CACNA2D3: variants seen among roughly 807,000 people sequenced by gnomAD.
The protein encoded by CACNA2D3 is voltage-dependent calcium channel subunit alpha-2/delta-3.
In CACNA2D3, 60 loss-of-function variants were observed where a neutral mutation model predicts 160.6. The ratio of observed to expected loss-of-function variants is 0.37; its 90% CI spans 0.30 to 0.46. The LOEUF is 0.46. Ranked by LOEUF, CACNA2D3 falls within the 20% of genes least tolerant of loss-of-function variation. CACNA2D3 has a pLI of 1.00. For synonymous variants in CACNA2D3, 558 were observed against 492.9 expected, an observed-to-expected ratio of 1.13 and a Z score of -1.75; for missense variants, 1,205 against 1,365.0, an observed-to-expected ratio of 0.88 and a Z score of 1.85.
intron 13 of CACNA2D3, among the ~76,000 whole-genome samples, chr3:54,774,379 A>G (rs992062507): frequency 6.5e-4 from 99 of 152,216 alleles, no homozygotes; most frequent in African/African-American, 2.3e-3. Flanking sequence ...CATGTCCTAT[A>G]TGACTGGAGC....
At chr3:54,262,055 A>AT (rs112148944) in intron 2 of CACNA2D3, among the ~76,000 whole-genome samples, 18 of 152,058 alleles carry the variant, frequency 1.2e-4, no homozygotes, top group African/African-American at 4.3e-4. Context: ...AGGAGTTTTG[A>AT]TTTTTTGCTG....
chr3:54,791,829 T>G (rs1262248726), intron 13 of CACNA2D3, among the ~76,000 whole-genome samples: 1 of 152,184 alleles, frequency 6.6e-6, no homozygotes, highest in East Asian at 1.9e-4. Context: ...TTTTTACCCT[T>G]TACTCTGATG....
At chr3:54,552,739 T>C (rs966853521) in intron 5 of CACNA2D3, among the ~76,000 whole-genome samples, 3 of 152,174 alleles carry the variant, frequency 2.0e-5, no homozygotes, top group African/African-American at 7.2e-5. Flanking sequence ...ACAATTTTCT[T>C]CTTAATGTCT....
intron 4 of CACNA2D3, among the ~76,000 whole-genome samples, chr3:54,417,336 A>T (rs1318995090): frequency 1.3e-5 from 2 of 152,050 alleles, no homozygotes; most frequent in African/African-American, 4.8e-5. Flanking sequence ...TAAAATAATA[A>T]TTTTCTTGTT....
At chr3:54,153,987 A>C (rs1188441841) in intron 2 of CACNA2D3, among the ~76,000 whole-genome samples, 1 of 152,226 alleles carries the variant, frequency 6.6e-6, no homozygotes, top group Non-Finnish European at 1.5e-5. Flanking sequence ...AAGATGGTAG[A>C]CTATAATCAA....
intron 27 of CACNA2D3, chr3:54,927,955 T>G (rs764447650): frequency 6.2e-7 from 1 of 1,603,506 alleles, no homozygotes; most frequent in South Asian, 1.1e-5. Flanking sequence ...GTAGACCCTT[T>G]AATTAATGTG....
chr3:54,599,005 A>G (rs1230062807), intron 9 of CACNA2D3, among the ~76,000 whole-genome samples: 2 of 152,214 alleles, frequency 1.3e-5, no homozygotes, highest in South Asian at 2.1e-4. Flanking sequence ...GCAGGTGACA[A>G]CGATAGGAAG....
chr3:54,373,936 T>G lies in CACNA2D3; in HGVS notation c.322-12779T>G, dbSNP rs76529775. On this transcript the variant is annotated intron_variant, in intron 3 of 37. Transcript: ENST00000474759. ...TCCCAAACTTCCATCCCTCCCACTTTCACAGCTCTCTGCACTTTGGCCCCT... is the reference window on the plus strand; with the variant it reads ...TCCCAAACTTCCATCCCTCCCACTTGCACAGCTCTCTGCACTTTGGCCCCT... Among the ~76,000 whole-genome samples the G allele has an allele frequency of 5.8e-3, 877 of 152,324 alleles. 23 individuals carry two copies. In the East Asian group the frequency reaches 0.078, roughly 14 times the overall value.
intron 5 of CACNA2D3, among the ~76,000 whole-genome samples, chr3:54,561,996 T>A (rs920552100): frequency 6.6e-6 from 1 of 152,168 alleles, no homozygotes; most frequent in Non-Finnish European, 1.5e-5. Context: ...CTCGTGAGAC[T>A]TATTCGCTAT....
intron 11 of CACNA2D3, among the ~76,000 whole-genome samples, chr3:54,736,293 T>G (rs905227072): frequency 6.6e-5 from 10 of 151,610 alleles, no homozygotes; most frequent in African/African-American, 1.9e-4. Flanking sequence ...TGAAAGTTCA[T>G]GATTAAATGT....
chr3:54,687,115 C>CT lies in CACNA2D3; in HGVS notation c.1167+44879dup, dbSNP rs1338617031. Among the ~76,000 whole-genome samples, 15 of 40,870 alleles carry CT rather than the reference C, an allele frequency of 3.7e-4. 1 individual carries two copies. Among genetic ancestry groups the CT allele is most frequent in the Non-Finnish European group, 6.1e-4 (12 of 19,626 alleles). The allele number at this position is 40,870 out of a possible 152,430, so 26.8% of individuals were successfully genotyped here. A position where few individuals can be genotyped will look rare whatever the true frequency, so the allele number is the denominator to read the frequency against. On this transcript the variant is annotated intron_variant, in intron 11 of 37. Transcript: ENST00000474759. ...TTATTCAAATCGGATTTTTCTTTTT[C>CT]TTTTTCTTTTTTTTTTTTTGTTTTT... is the stretch of plus-strand genomic sequence containing the variant.
chr3:54,371,023 T>G (rs761682068), intron 3 of CACNA2D3, among the ~76,000 whole-genome samples: 1 of 152,220 alleles, frequency 6.6e-6, no homozygotes, highest in Non-Finnish European at 1.5e-5. Flanking sequence ...CCTACCGTTT[T>G]CAAGAGTCAT....
chr3:54,409,254 A>C (rs570658929), intron 4 of CACNA2D3, among the ~76,000 whole-genome samples: 1 of 152,182 alleles, frequency 6.6e-6, no homozygotes, highest in South Asian at 2.1e-4. Context: ...CACTATTGCT[A>C]TATGTGTTAT....
At chr3:54,407,199 C>T (rs1026189339) in intron 4 of CACNA2D3, among the ~76,000 whole-genome samples, 2 of 151,736 alleles carry the variant, frequency 1.3e-5, no homozygotes, top group African/African-American at 2.4e-5. Flanking sequence ...AGCTGTGGGG[C>T]GATGGGAAAA....
At chr3:54,443,634 C>T (rs1209515386) in intron 4 of CACNA2D3, among the ~76,000 whole-genome samples, 1 of 152,152 alleles carries the variant, frequency 6.6e-6, no homozygotes, top group East Asian at 1.9e-4. Flanking sequence ...GCCGACGACC[C>T]TGGCATTTGC....
chr3:55,072,626 A>C (rs1320239225), intron 35 of CACNA2D3, among the ~76,000 whole-genome samples: 1 of 152,230 alleles, frequency 6.6e-6, no homozygotes, highest in Non-Finnish European at 1.5e-5. Context: ...CCTGGAGTTA[A>C]ATATTTAGCT....
intron 3 of CACNA2D3, among the ~76,000 whole-genome samples, chr3:54,347,748 G>T (rs2107530390): frequency 6.6e-6 from 1 of 152,014 alleles, no homozygotes; most frequent in African/African-American, 2.4e-5. Flanking sequence ...CTGGTAAGAT[G>T]ATTCCAGGCT....
chr3:54,500,057 T>C (rs185595249), intron 4 of CACNA2D3, among the ~76,000 whole-genome samples: 256 of 152,320 alleles, frequency 1.7e-3, no homozygotes, highest in Non-Finnish European at 2.9e-3. Context: ...TTGTTTCATG[T>C]ATTTTAACGC....
At chr3:54,701,827 A>G (rs1399623561) in intron 11 of CACNA2D3, among the ~76,000 whole-genome samples, 1 of 152,154 alleles carries the variant, frequency 6.6e-6, no homozygotes, top group East Asian at 1.9e-4. Context: ...GAGACATCAC[A>G]CTACATCACA....
Sources: gnomAD v4.1 joint callset for allele counts (sites outside exome capture counted in the v4.1 genomes callset) on GRCh38, gnomAD v4.1.1 for gene constraint, MANE v1.5 for transcripts, NCBI Gene and HGNC (gene_info 2026-07-23, HGNC 2026-07-21) for gene names.